PPP1R13B: variants seen among roughly 807,000 people sequenced by gnomAD.
The protein encoded by PPP1R13B is protein phosphatase 1 regulatory subunit 13B.
Under a neutral mutation model 119.8 loss-of-function variants are expected in PPP1R13B, and 44 were observed. The ratio of observed to expected loss-of-function variants is 0.37; its 90% CI spans 0.29 to 0.47. The LOEUF (loss-of-function observed/expected upper bound fraction) is 0.47. PPP1R13B is among the 20% of genes least tolerant of loss of function. The pLI, the probability that PPP1R13B is intolerant of heterozygous loss-of-function variation, is 0.99. For missense variants in PPP1R13B, 1,227 were observed against 1,413.5 expected (o/e 0.87, Z 2.12); for synonymous variants, 542 against 561.5 (o/e 0.97, Z 0.49).
rs1253903215 is a variant in PPP1R13B, at chr14:103,838,962, A to T, written c.9+8337T>A. On this transcript the variant is annotated intron_variant, in intron 1 of 16. Transcript: ENST00000202556. Reference sequence around the variant, plus strand: ...CAATGACTATTACTCAGAACTACTTACGATGCAATAAACACAGACCACTGT... The same window carrying T: ...CAATGACTATTACTCAGAACTACTTTCGATGCAATAAACACAGACCACTGT... Among the ~76,000 whole-genome samples, 5 of 152,138 alleles carry T rather than the reference A, an allele frequency of 3.3e-5. No homozygotes were observed. The East Asian group carries it at 9.6e-4, about 29-fold the overall frequency.
At chr14:103,797,960 G>C (rs1158681217) in intron 1 of PPP1R13B, among the ~76,000 whole-genome samples, 1 of 151,798 alleles carries the variant, frequency 6.6e-6, no homozygotes, top group African/African-American at 2.4e-5. Flanking sequence ...ACCATATATC[G>C]TACACTAGCA....
chr14:103,800,714 T>G (rs1479755904), intron 1 of PPP1R13B, among the ~76,000 whole-genome samples: 1 of 152,092 alleles, frequency 6.6e-6, no homozygotes, highest in East Asian at 1.9e-4. Context: ...GTGCCCTAAA[T>G]TCCTACATTC....
chr14:103,826,397 G>C (rs1278072139), intron 1 of PPP1R13B, among the ~76,000 whole-genome samples: 1 of 152,126 alleles, frequency 6.6e-6, no homozygotes, highest in African/African-American at 2.4e-5. Context: ...AAACCCACCT[G>C]CTTCACCAGG....
chr14:103,767,930 G>A (rs939881688), intron 4 of PPP1R13B, among the ~76,000 whole-genome samples: 1 of 152,100 alleles, frequency 6.6e-6, no homozygotes, highest in Non-Finnish European at 1.5e-5. Context: ...AGCATGATTT[G>A]TTCACACATC....
At chr14:103,797,559 T>A in intron 1 of PPP1R13B, 41 bp from the exon 2 acceptor site, 1 of 1,542,222 alleles carries the variant, frequency 6.5e-7, no homozygotes, top group Non-Finnish European at 8.9e-7. Context: ...AGATTCCTTA[T>A]CACAAACAGA....
chr14:103,744,715 A>T (rs900182771), intron 9 of PPP1R13B, among the ~76,000 whole-genome samples: 9 of 152,204 alleles, frequency 5.9e-5, no homozygotes, highest in Admixed American at 4.6e-4. Flanking sequence ...TACTGTGGCC[A>T]TCTGTGTGAC....
intron 1 of PPP1R13B, among the ~76,000 whole-genome samples, chr14:103,838,726 A>G (rs562422595): frequency 1.3e-5 from 2 of 152,326 alleles, no homozygotes; most frequent in Non-Finnish European, 2.9e-5. Flanking sequence ...TTTACTGAGC[A>G]TTTACTACAT....
intron 1 of PPP1R13B, among the ~76,000 whole-genome samples, chr14:103,825,360 G>A (rs2086513802): frequency 6.6e-6 from 1 of 152,144 alleles, no homozygotes; most frequent in Admixed American, 6.6e-5. Flanking sequence ...TAAATCAAAA[G>A]CTAGAAATGA....
intron 8 of PPP1R13B, 54 bp downstream of exon 8, chr14:103,749,740 A>G (rs2084491732): frequency 6.4e-7 from 1 of 1,566,192 alleles, no homozygotes; most frequent in African/African-American, 1.4e-5. Context: ...AAGATGGGCA[A>G]TGCTTGGATA....
rs1349159320 is a variant in PPP1R13B, at chr14:103,847,492, G to T, written c.-185C>A. 1 of 985,074 alleles carries T rather than the reference G, an allele frequency of 1.0e-6. No homozygotes were observed. The allele number at this position is 985,074 out of a possible 1,614,324, so 61.0% of individuals were successfully genotyped here. On this transcript the variant is annotated 5_prime_UTR_variant, in exon 1 of 17. Transcript: ENST00000202556. ...CGCTGGCCCTGTCGCGGCCGCCGGC[G>T]CGCTGCGTCGCTGTCCCGGGCACCC...
At position 103,778,263 on chromosome 14, in the gene PPP1R13B, C is replaced by CTTT. The variant is rs34674155; in HGVS notation, c.354+479_354+481dup. ...AGCCACCACGCCTGGCCACATCTGA[C>CTTT]TTTTTTTTTTTTTTTTTTTTGACAC... is the stretch of plus-strand genomic sequence containing the variant. On this transcript the variant is annotated intron_variant, in intron 4 of 16. Coordinates refer to ENST00000202556, the MANE Select transcript of PPP1R13B (RefSeq NM_015316.3). 4.7e-3 allele frequency among the ~76,000 whole-genome samples: 463 copies of CTTT among 99,478 alleles called. 19 individuals are homozygous for CTTT. Among genetic ancestry groups the CTTT allele is most frequent in the African/African-American group, 0.019 (440 of 23,672 alleles). The allele number at this position is 99,478 out of a possible 152,430, so 65.3% of individuals were successfully genotyped here.
chr14:103,824,503 G>A (rs546881385), intron 1 of PPP1R13B, among the ~76,000 whole-genome samples: 22 of 151,614 alleles, frequency 1.5e-4, no homozygotes, highest in African/African-American at 4.8e-4. Context: ...AGACTAGCCT[G>A]GCCAATATGG....
intron 4 of PPP1R13B, chr14:103,762,698 G>C: frequency 1.7e-6 from 1 of 573,126 alleles, no homozygotes. Flanking sequence ...GCAAGAGAAC[G>C]ACTCAGTCCC....
intron 3 of PPP1R13B, 35 bp from the exon 4 acceptor site, chr14:103,778,856 C>T (rs538984973): frequency 2.0e-5 from 31 of 1,518,494 alleles, no homozygotes; most frequent in Middle Eastern, 3.4e-4. Flanking sequence ...CACCAAAAGG[C>T]GTATTAGAAA....
intron 2 of PPP1R13B, among the ~76,000 whole-genome samples, chr14:103,786,788 A>AAAAAAAAAAACT (rs57372728): frequency 6.7e-6 from 1 of 148,636 alleles, no homozygotes; most frequent in African/African-American, 2.5e-5. Flanking sequence ...AAAAAAAAAA[A>AAAAAAAAAAACT]GGCTGGTCAT....
chr14:103,812,074 A>C (rs2086170202), intron 1 of PPP1R13B, among the ~76,000 whole-genome samples: 1 of 150,674 alleles, frequency 6.6e-6, no homozygotes, highest in South Asian at 2.1e-4. Context: ...AAAAAAAAAA[A>C]AAAAAAACCT....
At position 103,735,990 on chromosome 14, in the gene PPP1R13B, C is replaced by G. The variant is rs779343790; in HGVS notation, c.3231+13G>C. 3.7e-6 allele frequency: 6 copies of G among 1,613,840 alleles called. No homozygotes were observed. The highest frequency in any genetic ancestry group is 5.1e-6 in the Non-Finnish European group (6 of 1,179,922). ...GGGCAGCTAGTTTCCCAGTAAGTAA[C>G]CTGAGTGCTCACCCCCAGCAGGTTT... is the stretch of plus-strand genomic sequence containing the variant. On this transcript the variant is annotated intron_variant, in intron 16 of 16. Transcript: ENST00000202556.
chr14:103,787,495 G>C (rs941466105), intron 2 of PPP1R13B, among the ~76,000 whole-genome samples: 4 of 149,920 alleles, frequency 2.7e-5, no homozygotes, highest in Non-Finnish European at 5.9e-5. Flanking sequence ...GCTCTATCAA[G>C]AAGCACTGAA....
At chr14:103,828,305 A>G (rs1455144263) in intron 1 of PPP1R13B, among the ~76,000 whole-genome samples, 2 of 150,156 alleles carry the variant, frequency 1.3e-5, no homozygotes, top group Non-Finnish European at 3.0e-5. Flanking sequence ...GGAGGCAGAG[A>G]CTGCAGTGAG....
Sources: allele counts gnomAD v4.1 joint callset (sites outside exome capture counted in the v4.1 genomes callset), GRCh38; gene constraint gnomAD v4.1.1; transcripts MANE v1.5; gene names NCBI Gene and HGNC (gene_info 2026-07-23, HGNC 2026-07-21).